RBFOX1: variants seen among roughly 807,000 people sequenced by gnomAD.
RBFOX1 encodes the protein RNA binding fox-1 homolog 1.
RBFOX1 carries 8 observed loss-of-function variants against 57.7 expected under a neutral mutation model. That is an observed-to-expected ratio of 0.14 (90% confidence interval 0.08 to 0.25). The LOEUF (loss-of-function observed/expected upper bound fraction) is 0.25. Among genes scored for constraint, RBFOX1 ranks in the 10% least tolerant of loss-of-function variants. The pLI, the probability that RBFOX1 is intolerant of heterozygous loss-of-function variation, is 1.00. For missense variants in RBFOX1, 611 were observed against 548.5 expected (o/e 1.11, Z -1.14); for synonymous variants, 326 against 222.4 (o/e 1.47, Z -4.15).
intron 1 of RBFOX1, among the ~76,000 whole-genome samples, chr16:5,457,286 C>T (rs537523927): frequency 1.2e-4 from 18 of 152,132 alleles, no homozygotes; most frequent in Middle Eastern, 6.8e-3. Context: ...AGGCATGCAC[C>T]GCTATACCTG....
chr16:7,562,222 G>A (rs1046805128), intron 5 of RBFOX1, among the ~76,000 whole-genome samples: 5 of 152,156 alleles, frequency 3.3e-5, no homozygotes, highest in East Asian at 1.9e-4. Flanking sequence ...CTGTGTACCT[G>A]CTTTTTATCT....
chr16:6,644,532 C>T (rs1402737792), intron 2 of RBFOX1, among the ~76,000 whole-genome samples: 1 of 152,184 alleles, frequency 6.6e-6, no homozygotes, highest in Non-Finnish European at 1.5e-5. Context: ...TGAGAGGTGG[C>T]TTAAGCTGTC....
chr16:5,753,387 C>A (rs1474412056), intron 3 of RBFOX1, among the ~76,000 whole-genome samples: 1 of 152,048 alleles, frequency 6.6e-6, no homozygotes, highest in South Asian at 2.1e-4. Flanking sequence ...TGCTTATACT[C>A]AAAAAAATTT....
At position 7,640,918 on chromosome 16, in the gene RBFOX1, G is replaced by A. The variant is rs1463871701; in HGVS notation, c.757+10235G>A. Among the ~76,000 whole-genome samples, 3 of 114,312 alleles carry A rather than the reference G, an allele frequency of 2.6e-5. No individual in the cohort carries two copies. The East Asian group carries it at 8.6e-4, about 33-fold the overall frequency. The allele number at this position is 114,312 out of a possible 152,430, so 75.0% of individuals were successfully genotyped here. ...TGGATTTACATTAAAAAAAAAAAAA[G>A]GAATCCATTTTACATTCAGAGCTCT... On this transcript the variant is annotated intron_variant, in intron 11 of 15. Transcript: ENST00000550418.
At chr16:6,804,259 C>T (rs1237364903) in intron 3 of RBFOX1, among the ~76,000 whole-genome samples, 1 of 151,956 alleles carries the variant, frequency 6.6e-6, no homozygotes, top group South Asian at 2.1e-4. Flanking sequence ...CCGCCCACCT[C>T]AGCCTCCCAA....
intron 4 of RBFOX1, among the ~76,000 whole-genome samples, chr16:7,465,592 A>G (rs182220964): frequency 1.3e-5 from 2 of 152,304 alleles, no homozygotes; most frequent in East Asian, 3.9e-4. Flanking sequence ...AGTGGTGGTA[A>G]TACTTCACTA....
At chr16:7,436,425 G>A (rs904299142) in intron 4 of RBFOX1, among the ~76,000 whole-genome samples, 9 of 152,188 alleles carry the variant, frequency 5.9e-5, no homozygotes, top group African/African-American at 1.4e-4. Flanking sequence ...GGTTGGGGAT[G>A]TGTGAAATTT....
At chr16:7,056,754 C>T (rs569532447) in intron 4 of RBFOX1, among the ~76,000 whole-genome samples, 68 of 152,146 alleles carry the variant, frequency 4.5e-4, no homozygotes, top group African/African-American at 1.6e-3. Flanking sequence ...GGCTGATTAA[C>T]GAGCTTAGTT....
chr16:6,034,348 A>G (rs1165520293), intron 1 of RBFOX1, among the ~76,000 whole-genome samples: 3 of 142,424 alleles, frequency 2.1e-5, no homozygotes, highest in African/African-American at 7.4e-5. Flanking sequence ...AAAAAAAAAA[A>G]AAAAAAAAAG....
intron 4 of RBFOX1, among the ~76,000 whole-genome samples, chr16:5,960,192 C>T (rs1004213365): frequency 2.0e-5 from 3 of 152,112 alleles, no homozygotes; most frequent in Non-Finnish European, 2.9e-5. Flanking sequence ...CAGAGTGAGA[C>T]TCTGTCTCAA....
chr16:6,817,325 C>T (rs1383937028), intron 3 of RBFOX1, among the ~76,000 whole-genome samples: 5 of 152,030 alleles, frequency 3.3e-5, no homozygotes. Flanking sequence ...CTCCCATGTA[C>T]GAGGACCCTG....
intron 4 of RBFOX1, among the ~76,000 whole-genome samples, chr16:7,322,992 C>G (rs568884294): frequency 1.2e-4 from 18 of 152,156 alleles, no homozygotes; most frequent in African/African-American, 3.6e-4. Flanking sequence ...CAGCTCTTCT[C>G]CAGCCATCAA....
intron 4 of RBFOX1, among the ~76,000 whole-genome samples, chr16:7,131,337 CTGTCTTTT>C (rs1567381460): frequency 8.9e-6 from 1 of 112,004 alleles, no homozygotes; most frequent in Non-Finnish European, 1.7e-5. Context: ...TGCAGCGAGA[CTGTCTTTT>C]TTTTTTTTTT....
At chr16:7,637,043 G>T (rs2061880771) in intron 11 of RBFOX1, among the ~76,000 whole-genome samples, 1 of 152,130 alleles carries the variant, frequency 6.6e-6, no homozygotes, top group African/African-American at 2.4e-5. Flanking sequence ...TCCGTAGCAA[G>T]CCCCTTGATA....
At chr16:7,002,626 C>T (rs550309916) in intron 3 of RBFOX1, among the ~76,000 whole-genome samples, 88 of 152,196 alleles carry the variant, frequency 5.8e-4, no homozygotes, top group Non-Finnish European at 1.0e-3. Flanking sequence ...GCAGGAGAAT[C>T]GCTTGAACCT....
intron 2 of RBFOX1, among the ~76,000 whole-genome samples, chr16:6,482,328 A>C (rs1026360180): frequency 1.3e-5 from 2 of 152,216 alleles, no homozygotes; most frequent in African/African-American, 4.8e-5. Context: ...TGTGAAGAGA[A>C]AGGAAAAAGA....
intron 1 of RBFOX1, among the ~76,000 whole-genome samples, chr16:6,022,630 C>G (rs542477153): frequency 3.3e-5 from 5 of 152,250 alleles, no homozygotes; most frequent in Admixed American, 1.3e-4. Flanking sequence ...CTGCAGTGAG[C>G]CGATATCACG....
chr16:7,404,971 A>G (rs1482044958), intron 4 of RBFOX1, among the ~76,000 whole-genome samples: 2 of 152,092 alleles, frequency 1.3e-5, no homozygotes, highest in Non-Finnish European at 2.9e-5. Flanking sequence ...TCTAGTAGAG[A>G]TGATTTTACT....
intron 4 of RBFOX1, among the ~76,000 whole-genome samples, chr16:7,306,978 T>C (rs556315855): frequency 6.6e-6 from 1 of 152,336 alleles, no homozygotes; most frequent in East Asian, 1.9e-4. Flanking sequence ...AGGGTAATCT[T>C]TGATCTCAAA....
Sources: allele counts gnomAD v4.1 joint callset (sites outside exome capture counted in the v4.1 genomes callset), GRCh38; gene constraint gnomAD v4.1.1; transcripts MANE v1.5; gene names NCBI Gene and HGNC (gene_info 2026-07-23, HGNC 2026-07-21).